The following SCFD1 variants were observed in gnomAD, a reference collection of about 807,000 sequenced individuals.
The protein encoded by SCFD1 is sec1 family domain-containing protein 1.
Under a neutral mutation model 103.2 loss-of-function variants are expected in SCFD1, and 37 were observed. The observed-to-expected ratio is 0.36, with a 90% CI of 0.28 to 0.47. The LOEUF (loss-of-function observed/expected upper bound fraction) is 0.47, where lower values mean the gene tolerates loss of function less well. Among genes scored for constraint, SCFD1 ranks in the 20% least tolerant of loss-of-function variants. SCFD1 has a pLI of 1.00. For synonymous variants in SCFD1, 264 were observed against 245.0 expected (o/e 1.08, Z -0.73); for missense variants, 639 against 761.2 (o/e 0.84, Z 1.89).
At chr14:30,684,289 G>A (rs1015722344) in intron 14 of SCFD1, among the ~76,000 whole-genome samples, 3 of 152,184 alleles carry the variant, frequency 2.0e-5, no homozygotes, top group Admixed American at 1.3e-4. Context: ...GGGATTACAG[G>A]TGCATGCCAC....
At chr14:30,644,272 C>T (rs532415580) in intron 7 of SCFD1, among the ~76,000 whole-genome samples, 1 of 152,264 alleles carries the variant, frequency 6.6e-6, no homozygotes, top group South Asian at 2.1e-4. Context: ...AGGTTGATTC[C>T]ATGTCTTTGC....
chr14:30,624,005 A>G (rs979938747), intron 1 of SCFD1, among the ~76,000 whole-genome samples: 13 of 152,188 alleles, frequency 8.5e-5, no homozygotes, highest in Non-Finnish European at 4.4e-5. Flanking sequence ...TAGGCATTGC[A>G]TTAGGTGATT....
At chr14:30,645,423 G>C (rs1295993140) in intron 7 of SCFD1, among the ~76,000 whole-genome samples, 1 of 152,152 alleles carries the variant, frequency 6.6e-6, no homozygotes, top group African/African-American at 2.4e-5. Context: ...AATTGCTTTG[G>C]CAGTGTGGCC....
intron 18 of SCFD1, among the ~76,000 whole-genome samples, chr14:30,707,152 C>T (rs1012749699): frequency 1.3e-5 from 2 of 152,138 alleles, no homozygotes; most frequent in African/African-American, 2.4e-5. Flanking sequence ...TCTTATTGAA[C>T]ATTAGCCTAT....
intron 1 of SCFD1, among the ~76,000 whole-genome samples, chr14:30,625,591 C>T (rs1178834254): frequency 1.3e-5 from 1 of 75,824 alleles, no homozygotes; most frequent in African/African-American, 1.1e-4. Context: ...ATTAACAAAT[C>T]CTTTTTGTTA....
chr14:30,699,741 CAT>C (rs1046580417), intron 15 of SCFD1, among the ~76,000 whole-genome samples: 1 of 152,168 alleles, frequency 6.6e-6, no homozygotes, highest in African/African-American at 2.4e-5. Context: ...AGCAAAGTCT[CAT>C]AACCCAATTC....
intron 23 of SCFD1, among the ~76,000 whole-genome samples, chr14:30,728,838 CTT>C (rs367747323): frequency 0.026 from 3,402 of 131,698 alleles, 173 homozygotes; most frequent in African/African-American, 0.091. Context: ...TCCTTTGTCC[CTT>C]TTTTTTTTTT....
chr14:30,657,139 G>A (rs1427971777), intron 10 of SCFD1, among the ~76,000 whole-genome samples: 1 of 152,032 alleles, frequency 6.6e-6, no homozygotes, highest in African/African-American at 2.4e-5. Flanking sequence ...AAAACACCGA[G>A]ATGTCTAGGG....
intron 7 of SCFD1, among the ~76,000 whole-genome samples, chr14:30,646,120 G>A (rs1885801381): frequency 6.6e-6 from 1 of 152,078 alleles, no homozygotes; most frequent in Admixed American, 6.5e-5. Flanking sequence ...CCACCTCCTG[G>A]ATTCAAGCAA....
chr14:30,652,004 G>T (rs1886437656), intron 9 of SCFD1, among the ~76,000 whole-genome samples: 1 of 152,122 alleles, frequency 6.6e-6, no homozygotes, highest in South Asian at 2.1e-4. Context: ...AGCCCCAAAT[G>T]TCAGCAGTTC....
chr14:30,713,065 CTTGA>C (rs1385055411), intron 19 of SCFD1, among the ~76,000 whole-genome samples: 3 of 151,910 alleles, frequency 2.0e-5, no homozygotes, highest in African/African-American at 7.3e-5. Flanking sequence ...ACCAGTAAAA[CTTGA>C]TTAACCTGGT....
intron 6 of SCFD1, among the ~76,000 whole-genome samples, chr14:30,641,541 G>A (rs1297133652): frequency 6.6e-6 from 1 of 152,188 alleles, no homozygotes; most frequent in Non-Finnish European, 1.5e-5. Context: ...GGTTTGAAGT[G>A]TCTACAGATC....
Position 30,715,777 on chromosome 14 carries a change from C to T in SCFD1, c.1630-147C>T, listed in dbSNP as rs2139392400. On this transcript the variant is annotated intron_variant, in intron 19 of 24. Coordinates refer to ENST00000458591, the MANE Select transcript of SCFD1 (RefSeq NM_016106.4). ...GTGCCAAGAGTATTTACATCTTTGA[C>T]ATCACCTTTACCATTCACAGACTAC... is the stretch of plus-strand genomic sequence containing the variant. The T allele has an allele frequency of 9.2e-6, 5 of 542,026 alleles. No homozygotes were observed. The East Asian group carries it at 1.4e-4, about 15-fold the overall frequency. The allele number at this position is 542,026 out of a possible 1,614,324, so 33.6% of individuals were successfully genotyped here.
chr14:30,653,565 C>T lies in SCFD1; in HGVS notation c.832C>T (p.Gln278Ter). The T allele has an allele frequency of 6.2e-7, 1 of 1,612,414 alleles. No individual in the cohort carries two copies. Among genetic ancestry groups the T allele is most frequent in the Non-Finnish European group, 8.5e-7 (1 of 1,178,618 alleles). The change falls in exon 10 of 25, where the codon CAA becomes TAA. Residue 278 changes from glutamine to a stop codon, truncating the protein, a stop_gained. Transcript: ENST00000458591. LOFTEE classifies it high-confidence loss of function. ...TCCTTTACATCATACTTGGACATATCAAGCATTGGTGCACGATGTACTGGT... is the reference window on the plus strand; with the variant it reads ...TCCTTTACATCATACTTGGACATATTAAGCATTGGTGCACGATGTACTGGT... ...ATPLHHTWTY[Q>*]ALVHDVLDFH...
intron 17 of SCFD1, among the ~76,000 whole-genome samples, chr14:30,703,038 C>T (rs1221294273): frequency 1.3e-5 from 2 of 151,110 alleles, no homozygotes; most frequent in Non-Finnish European, 2.9e-5. Flanking sequence ...TTGAGAAATG[C>T]TCACGTTATA....
chr14:30,645,847 G>A (rs886367774), intron 7 of SCFD1, among the ~76,000 whole-genome samples: 2 of 152,076 alleles, frequency 1.3e-5, no homozygotes, highest in African/African-American at 4.8e-5. Context: ...CTTTGGCTAC[G>A]ACTTCCAGTA....
At chr14:30,695,742 T>C (rs1010581091) in intron 15 of SCFD1, among the ~76,000 whole-genome samples, 1 of 151,976 alleles carries the variant, frequency 6.6e-6, no homozygotes, top group Non-Finnish European at 1.5e-5. Flanking sequence ...CAGGGTGGCA[T>C]GCATCTGTAG....
intron 3 of SCFD1, among the ~76,000 whole-genome samples, chr14:30,632,241 T>C (rs1236619365): frequency 3.9e-5 from 6 of 152,102 alleles, no homozygotes; most frequent in Admixed American, 2.0e-4. Flanking sequence ...ACTGGGAATA[T>C]AGTTTTAGAT....
intron 8 of SCFD1, among the ~76,000 whole-genome samples, 169 bp downstream of exon 8, chr14:30,649,752 A>G (rs2139097078): frequency 6.6e-6 from 1 of 152,308 alleles, no homozygotes; most frequent in East Asian, 1.9e-4. Flanking sequence ...GATAAAAAGT[A>G]ATCATTTATT....
Sources: allele counts gnomAD v4.1 joint callset (sites outside exome capture counted in the v4.1 genomes callset), GRCh38; gene constraint gnomAD v4.1.1; transcripts MANE v1.5; gene names NCBI Gene and HGNC (gene_info 2026-07-23, HGNC 2026-07-21).